Variants in CEP250 observed in about 807,000 individuals in gnomAD.
CEP250 encodes centrosomal protein 250.
CEP250 carries 242 observed loss-of-function variants against 315.7 expected under a neutral mutation model. The ratio of observed to expected loss-of-function variants is 0.77; its 90% CI spans 0.69 to 0.85. The LOEUF (loss-of-function observed/expected upper bound fraction) is 0.85, where lower values mean the gene tolerates loss of function less well. CEP250 is among the 40% of genes least tolerant of loss of function. The pLI, the probability that CEP250 is intolerant of heterozygous loss-of-function variation, is 0.00. For synonymous variants in CEP250, 1,088 were observed against 1,175.0 expected (o/e 0.93, Z 1.51); for missense variants, 2,515 against 2,886.4 (o/e 0.87, Z 2.95).
At chr20:35,488,583 C>G (rs2063589617) in intron 20 of CEP250, among the ~76,000 whole-genome samples, 1 of 152,120 alleles carries the variant, frequency 6.6e-6, no homozygotes, top group Admixed American at 6.5e-5. Context: ...CCTACCTCAG[C>G]CTCCCAAGTA....
chr20:35,494,766 T>G, intron 24 of CEP250, 109 bp downstream of exon 24: 1 of 1,257,008 alleles, frequency 8.0e-7, no homozygotes, highest in East Asian at 2.3e-5. Context: ...TCTGCAACTC[T>G]GGGATGTACA....
chr20:35,500,012 G>A (rs765971319), intron 27 of CEP250, 37 bp from the exon 28 acceptor site: 2 of 1,613,246 alleles, frequency 1.2e-6, no homozygotes, highest in Non-Finnish European at 1.7e-6. Context: ...TGTGGAAGAT[G>A]AGGAACTCAC....
In CEP250 at chr20:35,504,158, A is replaced by G. The variant is rs776134755; in HGVS notation, c.5789A>G (p.Gln1930Arg). ...AGGGCCCTGCAGGACAGCTGGCTGC[A>G]GGCCCAGGCAGTGCTCAAGGAACGG... ...ETRALQDSWL[Q>R]AQAVLKERDQ... The change falls in exon 30 of 35, where the codon CAG becomes CGG. Residue 1930 changes from glutamine to arginine, a missense_variant. Physicochemically the swap from Gln to Arg is conservative, Grantham distance 43. Coordinates refer to ENST00000397527, the MANE Select transcript of CEP250 (RefSeq NM_007186.6). 3 of 1,614,054 alleles carry G rather than the reference A, an allele frequency of 1.9e-6. No individual in the cohort carries two copies. The highest frequency in any genetic ancestry group is 2.2e-5 in the South Asian group (2 of 91,082).
chr20:35,506,015 G>A (rs986110064), intron 30 of CEP250, among the ~76,000 whole-genome samples: 2 of 152,212 alleles, frequency 1.3e-5, no homozygotes, highest in Non-Finnish European at 2.9e-5. Context: ...AAGTCCAGGG[G>A]AGAGCTTGTG....
chr20:35,458,950 T>C (rs2146639031), intron 2 of CEP250, among the ~76,000 whole-genome samples: 1 of 150,786 alleles, frequency 6.6e-6, no homozygotes, highest in East Asian at 1.9e-4. Flanking sequence ...TATGGTATAT[T>C]TGCTATAATG....
rs2064136018 is a variant in CEP250, at chr20:35,504,774, G to A, written c.6405G>A (p.Glu2135=). The A allele has an allele frequency of 6.2e-7, 1 of 1,614,102 alleles. No homozygotes were observed. Among genetic ancestry groups the A allele is most frequent in the African/African-American group, 1.3e-5 (1 of 74,934 alleles). Residue 2135 remains glutamate (E), a synonymous_variant, in exon 30 of 35, where the codon GAG becomes GAA. Transcript: ENST00000397527. ...LPHSHKTSPM[E]EQSLKLDSLE... ...ACAGCCACAAAACCTCCCCAATGGA[G>A]GAACAATCTCTAAAACTTGATTCTT... is the stretch of plus-strand genomic sequence containing the variant.
At chr20:35,457,934 G>A (rs2062668369) in intron 1 of CEP250, among the ~76,000 whole-genome samples, 1 of 152,126 alleles carries the variant, frequency 6.6e-6, no homozygotes, top group Non-Finnish European at 1.5e-5. Flanking sequence ...GAGTGGGAGA[G>A]GCCAGAGGTT....
intron 17 of CEP250, 92 bp from the exon 18 acceptor site, chr20:35,479,139 A>T: frequency 7.9e-7 from 1 of 1,259,908 alleles, no homozygotes; most frequent in Non-Finnish European, 1.1e-6. Context: ...CTGGGTCCAG[A>T]ATCTCTGAAG....
At chr20:35,474,986 C>T (rs1190873140) in intron 14 of CEP250, 1 of 395,328 alleles carries the variant, frequency 2.5e-6, no homozygotes, top group Non-Finnish European at 5.2e-6. Context: ...AGGGTCATGA[C>T]TTGTGCTAAG....
intron 28 of CEP250, among the ~76,000 whole-genome samples, chr20:35,500,427 T>G (rs1316289130): frequency 2.6e-5 from 4 of 152,202 alleles, no homozygotes; most frequent in Non-Finnish European, 4.4e-5. Flanking sequence ...AAGACGGGGT[T>G]TCACCATGTT....
rs775494165 is a variant in CEP250, at chr20:35,512,907, C to G, written c.*1281C>G. 6.6e-6 allele frequency: 1 copy of G among 152,354 alleles called. No homozygotes were observed. Among genetic ancestry groups the G allele is most frequent in the Non-Finnish European group, 1.5e-5 (1 of 68,188 alleles). 9.4% of individuals were successfully genotyped at this position (152,354 alleles called of 1,614,324 possible). On this transcript the variant is annotated 3_prime_UTR_variant, in exon 35 of 35. Coordinates refer to ENST00000397527, the MANE Select transcript of CEP250 (RefSeq NM_007186.6). ...CAGGCCATTACCTTCCTCTGGCACT[C>G]CCACCATAATCTGGAATTCCTCTTT...
rs1053574833 is a variant in CEP250 at position 35,482,707 on chromosome 20, G to A, written c.2586+2562G>A. On this transcript the variant is annotated intron_variant, in intron 20 of 34. Transcript: ENST00000397527. ...CTAGAGTAGCTGGGATTACAGGCAC[G>A]TACCACCATGCCCAGCTAATTTTTT... Among the ~76,000 whole-genome samples, 14 of 151,228 alleles carry A rather than the reference G, an allele frequency of 9.3e-5. No individual in the cohort carries two copies. The East Asian group carries it at 1.2e-3, about 13-fold the overall frequency.
chr20:35,517,656 G>A lies in CEP250; in HGVS notation c.*6030G>A, dbSNP rs2064447526. Reference sequence around the variant, plus strand: ...AGTCCCAGCTACTTGGGAGGCTGAGGCAGGAGGATCGCTTGAACCTGGAAG... The same window carrying A: ...AGTCCCAGCTACTTGGGAGGCTGAGACAGGAGGATCGCTTGAACCTGGAAG... On this transcript the variant is annotated 3_prime_UTR_variant, in exon 35 of 35. Transcript: ENST00000397527. 3 of 152,072 alleles carry A rather than the reference G, an allele frequency of 2.0e-5. No individual in the cohort carries two copies. Among genetic ancestry groups the A allele is most frequent in the South Asian group, 4.1e-4 (2 of 4,826 alleles). The allele number at this position is 152,072 out of a possible 1,614,324, so 9.4% of individuals were successfully genotyped here.
At chr20:35,489,938 G>C (rs540362417) in intron 20 of CEP250, among the ~76,000 whole-genome samples, 1 of 152,324 alleles carries the variant, frequency 6.6e-6, no homozygotes, top group Non-Finnish European at 1.5e-5. Flanking sequence ...TAGCTACTCA[G>C]GAGGCTGAGG....
chr20:35,500,620 A>G (rs1432825712), intron 28 of CEP250, among the ~76,000 whole-genome samples: 1 of 152,234 alleles, frequency 6.6e-6, no homozygotes, highest in African/African-American at 2.4e-5. Context: ...TGGCAGCAGC[A>G]GGGAGTGCTT....
At chr20:35,456,475 A>G (rs1188995058) in intron 1 of CEP250, among the ~76,000 whole-genome samples, 1 of 152,188 alleles carries the variant, frequency 6.6e-6, no homozygotes, top group Non-Finnish European at 1.5e-5. Flanking sequence ...AAGGCTTAGA[A>G]AGGAGAACTG....
chr20:35,503,059 G>A lies in CEP250; in HGVS notation c.4690G>A (p.Glu1564Lys). 1 of 1,614,182 alleles carries A rather than the reference G, an allele frequency of 6.2e-7. No homozygotes were observed. Among genetic ancestry groups the A allele is most frequent in the Non-Finnish European group, 8.5e-7 (1 of 1,180,036 alleles). ...GGAATGCCTGGCCCTGGAACTGGAGGAAAACCATCACAAGATGGAGTGCCA... is the reference window on the plus strand; with the variant it reads ...GGAATGCCTGGCCCTGGAACTGGAGAAAAACCATCACAAGATGGAGTGCCA... ...TLECLALELE[E>K]NHHKMECQQK... Residue 1564 changes from glutamate to lysine, a missense_variant, in exon 30 of 35, where the codon GAA becomes AAA. Glu to Lys is a moderately conservative substitution (Grantham distance 56, BLOSUM62 1). Transcript: ENST00000397527. The surrounding 1 kb of genome is among the most constrained non-coding windows in gnomAD (Gnocchi z 4.2).
intron 22 of CEP250, among the ~76,000 whole-genome samples, chr20:35,492,926 C>T (rs1203685404): frequency 6.6e-6 from 1 of 152,082 alleles, no homozygotes; most frequent in African/African-American, 2.4e-5. Context: ...AAGGGTTTCA[C>T]CATGTTGGCC....
intron 30 of CEP250, among the ~76,000 whole-genome samples, chr20:35,505,925 A>G (rs1030736715): frequency 2.0e-5 from 3 of 152,166 alleles, no homozygotes; most frequent in Non-Finnish European, 4.4e-5. Context: ...GTGATCAGAC[A>G]TACAGCTCAC....
Sources: gnomAD v4.1 joint callset for allele counts (sites outside exome capture counted in the v4.1 genomes callset) on GRCh38, gnomAD v4.1.1 for gene constraint, Gnocchi (gnomAD v3.1) non-coding constraint, MANE v1.5 for transcripts, NCBI Gene and HGNC (gene_info 2026-07-23, HGNC 2026-07-21) for gene names.